Variants in ATF7IP2 observed in about 807,000 individuals in gnomAD.
ATF7IP2 encodes the protein activating transcription factor 7 interacting protein 2.
ATF7IP2 carries 42 observed loss-of-function variants against 64.2 expected under a neutral mutation model. The observed-to-expected ratio is 0.65, with a 90% confidence interval of 0.51 to 0.85. ATF7IP2 has a LOEUF of 0.85. Ranked by LOEUF, ATF7IP2 falls within the 40% of genes least tolerant of loss-of-function variation. The pLI is 0.00. For missense variants in ATF7IP2, 933 were observed against 784.2 expected (o/e 1.19, Z -2.27); for synonymous variants, 308 against 272.8 (o/e 1.13, Z -1.27).
intron 8 of ATF7IP2, among the ~76,000 whole-genome samples, chr16:10,455,014 A>G (rs2049121058): frequency 6.6e-6 from 1 of 152,168 alleles, no homozygotes; most frequent in Non-Finnish European, 1.5e-5. Flanking sequence ...CATGTACAGA[A>G]TGTTGGTTGT....
intron 9 of ATF7IP2, among the ~76,000 whole-genome samples, chr16:10,470,106 A>T (rs1470939500): frequency 6.6e-6 from 1 of 152,200 alleles, no homozygotes. Flanking sequence ...ACTGACAGAC[A>T]TTGTAAATAT....
At chr16:10,406,049 A>G (rs1185411769) in intron 1 of ATF7IP2, among the ~76,000 whole-genome samples, 1 of 151,956 alleles carries the variant, frequency 6.6e-6, no homozygotes, top group Admixed American at 6.6e-5. Context: ...AGATCGTGCC[A>G]CTGCACTCCA....
chr16:10,462,982 A>G (rs1324436368), intron 9 of ATF7IP2, among the ~76,000 whole-genome samples: 1 of 152,040 alleles, frequency 6.6e-6, no homozygotes, highest in African/African-American at 2.4e-5. Flanking sequence ...CAATTTGTAT[A>G]TTTTTCAGTT....
chr16:10,479,071 AC>A (rs1325096318), intron 12 of ATF7IP2, among the ~76,000 whole-genome samples: 7 of 150,890 alleles, frequency 4.6e-5, no homozygotes, highest in Non-Finnish European at 8.8e-5. Flanking sequence ...AACTAGTTCA[AC>A]CCTTGTGGAA....
chr16:10,471,939 A>G (rs1213350961), intron 9 of ATF7IP2, 171 bp from the exon 10 acceptor site: 2 of 430,062 alleles, frequency 4.7e-6, no homozygotes, highest in Non-Finnish European at 8.3e-6. Context: ...GGAACTGGTA[A>G]TAAATGGAGT....
At chr16:10,442,479 C>G (rs566015268) in intron 8 of ATF7IP2, among the ~76,000 whole-genome samples, 1 of 152,274 alleles carries the variant, frequency 6.6e-6, no homozygotes, top group East Asian at 1.9e-4. Flanking sequence ...AGGTATGATA[C>G]AGCAGCCAGT....
At chr16:10,466,627 T>G (rs896339557) in intron 9 of ATF7IP2, among the ~76,000 whole-genome samples, 3 of 152,218 alleles carry the variant, frequency 2.0e-5, no homozygotes, top group East Asian at 3.8e-4. Flanking sequence ...TTAAGCAAAT[T>G]TGCATGTTAG....
intron 8 of ATF7IP2, chr16:10,448,111 G>A (rs1048305323): frequency 1.3e-5 from 2 of 152,150 alleles, no homozygotes; most frequent in Non-Finnish European, 2.9e-5. Context: ...TAAGGCCTCT[G>A]TTCTGTTCCA....
At chr16:10,469,121 G>A (rs527300858) in intron 9 of ATF7IP2, among the ~76,000 whole-genome samples, 1 of 152,206 alleles carries the variant, frequency 6.6e-6, no homozygotes, top group African/African-American at 2.4e-5. Flanking sequence ...AAATTCCCAG[G>A]CATGCAACAT....
intron 9 of ATF7IP2, among the ~76,000 whole-genome samples, chr16:10,467,878 CTTTT>C (rs111532750): frequency 7.8e-5 from 10 of 127,440 alleles, no homozygotes; most frequent in Admixed American, 8.0e-5. Context: ...ATCAAATATT[CTTTT>C]TTTTTTTTTT....
At chr16:10,442,031 C>T (rs1349461922) in intron 8 of ATF7IP2, among the ~76,000 whole-genome samples, 1 of 152,236 alleles carries the variant, frequency 6.6e-6, no homozygotes, top group Admixed American at 6.5e-5. Context: ...TGTCCTCCCC[C>T]CATTAATTGG....
At chr16:10,404,496 C>G (rs1190950043) in intron 1 of ATF7IP2, among the ~76,000 whole-genome samples, 1 of 152,114 alleles carries the variant, frequency 6.6e-6, no homozygotes, top group Non-Finnish European at 1.5e-5. Context: ...ATCCACCCAC[C>G]TTGGCCTCCC....
chr16:10,441,715 G>T (rs180825207), intron 8 of ATF7IP2, among the ~76,000 whole-genome samples: 9 of 152,298 alleles, frequency 5.9e-5, no homozygotes, highest in African/African-American at 9.6e-5. Context: ...TCTGATGATA[G>T]TTTCCTTTGC....
At chr16:10,469,911 A>T (rs993806049) in intron 9 of ATF7IP2, among the ~76,000 whole-genome samples, 1 of 151,108 alleles carries the variant, frequency 6.6e-6, no homozygotes, top group African/African-American at 2.4e-5. Flanking sequence ...AAAAAAGTCC[A>T]TTCAGAATTC....
At chr16:10,417,262 G>C (rs999439129) in intron 2 of ATF7IP2, among the ~76,000 whole-genome samples, 1 of 152,070 alleles carries the variant, frequency 6.6e-6, no homozygotes, top group South Asian at 2.1e-4. Flanking sequence ...TGGATGAAAT[G>C]CTCCACTGAA....
At chr16:10,444,547 A>G (rs1481834049) in intron 8 of ATF7IP2, among the ~76,000 whole-genome samples, 2 of 152,180 alleles carry the variant, frequency 1.3e-5, no homozygotes, top group South Asian at 2.1e-4. Flanking sequence ...CAAGTATGTA[A>G]TGTCTTTTTG....
intron 1 of ATF7IP2, among the ~76,000 whole-genome samples, chr16:10,395,950 A>G (rs1448478320): frequency 1.3e-5 from 2 of 152,106 alleles, no homozygotes; most frequent in Non-Finnish European, 2.9e-5. Flanking sequence ...AAATAATAAA[A>G]GCATCGAAAT....
At chr16:10,394,612 A>G (rs1223176391) in intron 1 of ATF7IP2, among the ~76,000 whole-genome samples, 2 of 152,338 alleles carry the variant, frequency 1.3e-5, no homozygotes, top group South Asian at 4.1e-4. Flanking sequence ...ATATAGTCAC[A>G]CTAGGCCATG....
At chr16:10,473,608 A>G (rs1332166358) in intron 11 of ATF7IP2, 74 bp downstream of exon 11, 4 of 1,073,776 alleles carry the variant, frequency 3.7e-6, no homozygotes, top group Non-Finnish European at 4.2e-6. Flanking sequence ...TGTTTGCTAC[A>G]TGTTGGATGA....
Sources: allele counts gnomAD v4.1 joint callset (sites outside exome capture counted in the v4.1 genomes callset), GRCh38; gene constraint gnomAD v4.1.1; transcripts MANE v1.5; gene names NCBI Gene and HGNC (gene_info 2026-07-23, HGNC 2026-07-21).